GRIA4: variants seen among roughly 807,000 people sequenced by gnomAD.
GRIA4 encodes glutamate receptor 4.
In GRIA4, 34 loss-of-function variants were observed where a neutral mutation model predicts 104.0. That is an observed-to-expected ratio of 0.33 (90% confidence interval 0.25 to 0.44). GRIA4 has a LOEUF of 0.44. Among genes scored for constraint, GRIA4 ranks in the 20% least tolerant of loss-of-function variants. GRIA4 has a pLI of 1.00. For synonymous variants in GRIA4, 386 were observed against 381.9 expected (o/e 1.01, Z -0.13); for missense variants, 750 against 1,096.5 (o/e 0.68, Z 4.46).
intron 5 of GRIA4, among the ~76,000 whole-genome samples, chr11:105,876,333 G>C (rs975081462): frequency 2.6e-5 from 4 of 151,990 alleles, no homozygotes; most frequent in Admixed American, 6.6e-5. Flanking sequence ...TTTACTTACA[G>C]TTATGTGGTC....
At chr11:105,835,610 T>G (rs1944148923) in intron 4 of GRIA4, among the ~76,000 whole-genome samples, 1 of 152,102 alleles carries the variant, frequency 6.6e-6, no homozygotes, top group African/African-American at 2.4e-5. Flanking sequence ...TTTTATTAAA[T>G]GATTATCTCA....
At chr11:105,822,409 A>G (rs1483570268) in intron 4 of GRIA4, among the ~76,000 whole-genome samples, 1 of 152,116 alleles carries the variant, frequency 6.6e-6, no homozygotes, top group Non-Finnish European at 1.5e-5. Context: ...ATAAATGTTT[A>G]TACTTATGCA....
chr11:105,853,849 C>A (rs78683276), intron 4 of GRIA4, among the ~76,000 whole-genome samples: 1,742 of 152,254 alleles, frequency 0.011, 32 homozygotes, highest in African/African-American at 0.039. Context: ...TTTCAGTAGT[C>A]TCCTATTTGG....
chr11:105,737,555 C>G (rs1439825467), intron 3 of GRIA4, among the ~76,000 whole-genome samples: 1 of 151,896 alleles, frequency 6.6e-6, no homozygotes, highest in Non-Finnish European at 1.5e-5. Context: ...TGTGTTTGTC[C>G]TTTTTAAATT....
At chr11:105,902,971 G>A (rs2060681374) in intron 7 of GRIA4, among the ~76,000 whole-genome samples, 1 of 152,090 alleles carries the variant, frequency 6.6e-6, no homozygotes. Flanking sequence ...ATCCCATGTT[G>A]ATTTATTTTT....
Position 105,663,488 on chromosome 11 carries a change from G to C in GRIA4, c.247+51054G>C, listed in dbSNP as rs188710065. Reference sequence around the variant, plus strand: ...TCAAAACGTGAATATATTTTAAAGTGACAAGTGCTGCAATAGAAGTATTTC... The same window carrying C: ...TCAAAACGTGAATATATTTTAAAGTCACAAGTGCTGCAATAGAAGTATTTC... On this transcript the variant is annotated intron_variant, in intron 3 of 16. Coordinates refer to ENST00000282499, the MANE Select transcript of GRIA4 (RefSeq NM_000829.4). Among the ~76,000 whole-genome samples the C allele has an allele frequency of 7.7e-3, 1,174 of 152,000 alleles. 16 individuals carry two copies. The highest frequency in any genetic ancestry group is 0.026 in the African/African-American group (1,099 of 41,490).
intron 3 of GRIA4, among the ~76,000 whole-genome samples, chr11:105,665,268 A>T (rs1386589503): frequency 6.6e-6 from 1 of 151,984 alleles, no homozygotes; most frequent in Non-Finnish European, 1.5e-5. Flanking sequence ...TGTACCAAAC[A>T]TCCTTTTCAA....
intron 6 of GRIA4, among the ~76,000 whole-genome samples, chr11:105,888,262 T>A (rs938626946): frequency 4.1e-5 from 6 of 144,916 alleles, no homozygotes; most frequent in Non-Finnish European, 9.0e-5. Flanking sequence ...AAGTTAAGGA[T>A]GTTTTCTCCT....
At chr11:105,837,367 T>A (rs148925894) in intron 4 of GRIA4, among the ~76,000 whole-genome samples, 199 of 152,294 alleles carry the variant, frequency 1.3e-3, no homozygotes, top group Middle Eastern at 0.01. Flanking sequence ...AGAACCACTA[T>A]GAGTCTTTAC....
chr11:105,912,663 C>G, intron 10 of GRIA4: 1 of 802,708 alleles, frequency 1.2e-6, no homozygotes, highest in Non-Finnish European at 1.5e-6. Flanking sequence ...AAAATGTAAT[C>G]TTTATATAAA....
chr11:105,919,037 G>T, intron 11 of GRIA4, 119 bp downstream of exon 11: 1 of 643,722 alleles, frequency 1.6e-6, no homozygotes, highest in Non-Finnish European at 2.8e-6. Flanking sequence ...ATTCCAAGAG[G>T]CACATACAGT....
chr11:105,740,192 T>C (rs1171289702), intron 3 of GRIA4, among the ~76,000 whole-genome samples: 1 of 152,224 alleles, frequency 6.6e-6, no homozygotes, highest in Non-Finnish European at 1.5e-5. Context: ...ATGATTATAA[T>C]TGGTTTCTTC....
Position 105,655,838 on chromosome 11 carries a change from G to A in GRIA4, c.247+43404G>A, listed in dbSNP as rs113975469. On this transcript the variant is annotated intron_variant, in intron 3 of 16. Transcript: ENST00000282499. ...AGGAGAATGATTTATAATCCTTTGA[G>A]TATATACTCAGTAATGGTATTGCTG... Among the ~76,000 whole-genome samples the A allele has an allele frequency of 3.8e-3, 579 of 152,172 alleles. 9 individuals carry two copies. The highest frequency in any genetic ancestry group is 0.014 in the African/African-American group (566 of 41,512).
chr11:105,961,188 G>A (rs911658127), intron 14 of GRIA4, among the ~76,000 whole-genome samples: 2 of 152,104 alleles, frequency 1.3e-5, no homozygotes, highest in Non-Finnish European at 2.9e-5. Flanking sequence ...TGAATGGTGA[G>A]AAATGAATTT....
intron 3 of GRIA4, among the ~76,000 whole-genome samples, chr11:105,641,018 CTA>C (rs1413890000): frequency 6.6e-6 from 1 of 151,914 alleles, no homozygotes; most frequent in African/African-American, 2.4e-5. Context: ...TGATAAATAA[CTA>C]TGTTTACAAT....
At chr11:105,819,798 A>T (rs954538399) in intron 4 of GRIA4, among the ~76,000 whole-genome samples, 1 of 152,146 alleles carries the variant, frequency 6.6e-6, no homozygotes, top group Non-Finnish European at 1.5e-5. Context: ...CTAAAAAATG[A>T]TATGTTGAAA....
chr11:105,715,858 A>G (rs1565486609), intron 3 of GRIA4, among the ~76,000 whole-genome samples: 1 of 152,124 alleles, frequency 6.6e-6, no homozygotes, highest in African/African-American at 2.4e-5. Flanking sequence ...TAACAGGAAA[A>G]CAAGTACAAA....
At chr11:105,690,014 T>C (rs1439089514) in intron 3 of GRIA4, among the ~76,000 whole-genome samples, 2 of 152,236 alleles carry the variant, frequency 1.3e-5, no homozygotes, top group Admixed American at 1.3e-4. Context: ...ATACCTTAGC[T>C]AACTCCCTTA....
intron 3 of GRIA4, among the ~76,000 whole-genome samples, chr11:105,654,338 C>T (rs1434108463): frequency 6.6e-6 from 1 of 150,874 alleles, no homozygotes; most frequent in Non-Finnish European, 1.5e-5. Flanking sequence ...TTGAAGATTG[C>T]TAAGAGTGCC....
Sources: gnomAD v4.1 joint callset for allele counts (sites outside exome capture counted in the v4.1 genomes callset) on GRCh38, gnomAD v4.1.1 for gene constraint, MANE v1.5 for transcripts, NCBI Gene and HGNC (gene_info 2026-07-23, HGNC 2026-07-21) for gene names.